IKZF2: variants seen among roughly 807,000 people sequenced by gnomAD.
IKZF2 encodes the protein zinc finger protein Helios.
IKZF2 carries 15 observed loss-of-function variants against 49.2 expected under a neutral mutation model. That is an observed-to-expected ratio of 0.30 (90% CI 0.20 to 0.47). The LOEUF (loss-of-function observed/expected upper bound fraction) is 0.47, where lower values mean the gene tolerates loss of function less well. IKZF2 is among the 20% of genes least tolerant of loss of function. The pLI, the probability that IKZF2 is intolerant of heterozygous loss-of-function variation, is 1.00. For synonymous variants in IKZF2, 227 were observed against 221.4 expected (o/e 1.03, Z -0.23); for missense variants, 567 against 664.6 (o/e 0.85, Z 1.61).
intron 6 of IKZF2, among the ~76,000 whole-genome samples, chr2:213,035,227 C>A (rs1178320075): frequency 1.3e-5 from 2 of 150,942 alleles, no homozygotes; most frequent in Non-Finnish European, 3.0e-5. Context: ...ACTTAACACA[C>A]AATAAATGAT....
At chr2:213,084,154 A>T (rs1475660097) in intron 4 of IKZF2, among the ~76,000 whole-genome samples, 1 of 152,114 alleles carries the variant, frequency 6.6e-6, no homozygotes, top group Non-Finnish European at 1.5e-5. Flanking sequence ...TGAGCATATG[A>T]TGTGGAATTC....
At chr2:213,150,455 CCCTCCTCCTCCT>C (rs3217488) in intron 1 of IKZF2, 8 of 186,222 alleles carry the variant, frequency 4.3e-5, no homozygotes, top group Non-Finnish European at 6.9e-5. Context: ...AAGAACACCC[CCCTCCTCCTCCT>C]CCTCCTCCTC....
chr2:213,079,605 C>T (rs1468956233), intron 4 of IKZF2, among the ~76,000 whole-genome samples: 1 of 151,538 alleles, frequency 6.6e-6, no homozygotes, highest in Non-Finnish European at 1.5e-5. Flanking sequence ...CATCTATAAA[C>T]CATCTCCATA....
intron 7 of IKZF2, among the ~76,000 whole-genome samples, chr2:213,019,223 T>C (rs553256882): frequency 6.6e-6 from 1 of 152,320 alleles, no homozygotes; most frequent in South Asian, 2.1e-4. Context: ...CTATGTCAGA[T>C]ATTTTTTAAA....
At position 213,007,547 on chromosome 2, in the gene IKZF2, C is replaced by T. The variant is rs1172115296; in HGVS notation, c.1394G>A (p.Gly465Glu). 6.2e-7 allele frequency: 1 copy of T among 1,613,724 alleles called. No individual in the cohort carries two copies. ...KDIYKVFNGE[G>E]EQIRAFKCEH... The stretch of plus-strand genomic sequence containing the variant: ...ACACTTGAAGGCCCTAATCTGTTCT[C>T]CTTCTCCATTGAAGACCTTGTAGAT... The change falls in exon 9 of 9, where the codon GGA becomes GAA. Residue 465 changes from glycine to glutamate, a missense_variant. Transcript: ENST00000434687.
At chr2:213,051,515 A>G (rs1032955113) in intron 5 of IKZF2, among the ~76,000 whole-genome samples, 1 of 151,960 alleles carries the variant, frequency 6.6e-6, no homozygotes, top group African/African-American at 2.4e-5. Flanking sequence ...ACCTGGTAAG[A>G]TCTATATCTC....
intron 4 of IKZF2, among the ~76,000 whole-genome samples, chr2:213,116,636 G>C (rs1440369178): frequency 6.6e-6 from 1 of 152,128 alleles, no homozygotes; most frequent in Non-Finnish European, 1.5e-5. Context: ...TACTTGGAAG[G>C]CTGAGGTGGG....
intron 4 of IKZF2, among the ~76,000 whole-genome samples, chr2:213,105,326 A>G (rs2059487994): frequency 6.6e-6 from 1 of 151,970 alleles, no homozygotes; most frequent in Admixed American, 6.6e-5. Flanking sequence ...TTCCTTTCCA[A>G]CTGTTCCCAA....
chr2:213,103,990 A>G (rs915205535), intron 4 of IKZF2, among the ~76,000 whole-genome samples: 11 of 152,126 alleles, frequency 7.2e-5, no homozygotes, highest in African/African-American at 2.7e-4. Context: ...TCAGAATTAT[A>G]TATTTCCTGG....
At chr2:213,071,525 T>C (rs1702700970) in intron 4 of IKZF2, among the ~76,000 whole-genome samples, 1 of 152,086 alleles carries the variant, frequency 6.6e-6, no homozygotes, top group African/African-American at 2.4e-5. Context: ...GACACACTGC[T>C]AAGCACTAAA....
In IKZF2 at chr2:213,150,190, C is replaced by G. The variant is rs764262883; in HGVS notation, c.-62G>C. ...AAAAAAGATTCATCACCATTTCCAGCTCTGTCGGGAGATCTCAGCTTCTTC... is the reference window on the plus strand; with the variant it reads ...AAAAAAGATTCATCACCATTTCCAGGTCTGTCGGGAGATCTCAGCTTCTTC... On this transcript the variant is annotated 5_prime_UTR_variant, in exon 2 of 9. Coordinates refer to ENST00000434687, the MANE Select transcript of IKZF2 (RefSeq NM_001387220.1). The G allele has an allele frequency of 7.7e-7, 1 of 1,303,690 alleles. No homozygotes were observed. The highest frequency in any genetic ancestry group is 1.2e-5 in the South Asian group (1 of 80,980). The allele number at this position is 1,303,690 out of a possible 1,614,324, so 80.8% of individuals were successfully genotyped here. A position where few individuals can be genotyped will look rare whatever the true frequency, so the allele number is the denominator to read the frequency against.
At chr2:213,031,415 G>A (rs1346347230) in intron 6 of IKZF2, among the ~76,000 whole-genome samples, 1 of 152,172 alleles carries the variant, frequency 6.6e-6, no homozygotes, top group Non-Finnish European at 1.5e-5. Context: ...AAAAAAGTAT[G>A]TATGGGACCT....
intron 4 of IKZF2, chr2:213,147,397 CCAA>C: frequency 1.9e-6 from 1 of 528,576 alleles, no homozygotes; most frequent in Non-Finnish European, 3.3e-6. Flanking sequence ...CATTTTTTAC[CCAA>C]CAACAACAAA....
At chr2:213,136,386 A>AAAAAAG (rs1406963032) in intron 4 of IKZF2, among the ~76,000 whole-genome samples, 2 of 111,056 alleles carry the variant, frequency 1.8e-5, no homozygotes, top group African/African-American at 5.2e-5. Context: ...AAAAAAAAAA[A>AAAAAAG]AAAAAGAAAA....
At chr2:213,146,556 A>G (rs935876628) in intron 4 of IKZF2, among the ~76,000 whole-genome samples, 5 of 152,028 alleles carry the variant, frequency 3.3e-5, no homozygotes, top group Non-Finnish European at 5.9e-5. Context: ...AAATTGCAAA[A>G]TGTATTCAAT....
chr2:213,113,317 A>G (rs1337376754), intron 4 of IKZF2, among the ~76,000 whole-genome samples: 1 of 152,216 alleles, frequency 6.6e-6, no homozygotes, highest in Non-Finnish European at 1.5e-5. Context: ...AATGGTATGC[A>G]GAGAGTAGCC....
At chr2:213,134,967 T>C in intron 4 of IKZF2, among the ~76,000 whole-genome samples, 1 of 152,204 alleles carries the variant, frequency 6.6e-6, no homozygotes, top group East Asian at 1.9e-4. Context: ...TTGCCAGCTT[T>C]CTTCTATGCT....
intron 4 of IKZF2, among the ~76,000 whole-genome samples, chr2:213,136,343 C>A (rs1438758718): frequency 7.4e-6 from 1 of 135,114 alleles, no homozygotes; most frequent in Non-Finnish European, 1.5e-5. Context: ...TGCACTCCAG[C>A]CTGGGTGACA....
In IKZF2 at chr2:213,022,204, G is replaced by C. The variant is rs937872967; in HGVS notation, c.575-74C>G. 2.2e-6 allele frequency: 3 copies of C among 1,379,950 alleles called. No homozygotes were observed. In the African/African-American group the frequency reaches 4.4e-5, roughly 20 times the overall value. 85.5% of individuals were successfully genotyped at this position (1,379,950 alleles called of 1,614,324 possible). On this transcript the variant is annotated intron_variant, in intron 6 of 8. Transcript: ENST00000434687. Reference sequence around the variant, plus strand: ...AAAGCAAAATCAATAGCTAACTTTTGATAGTCTGGAGGAAGCACTCATATA... The same window carrying C: ...AAAGCAAAATCAATAGCTAACTTTTCATAGTCTGGAGGAAGCACTCATATA...
Sources: allele counts gnomAD v4.1 joint callset (sites outside exome capture counted in the v4.1 genomes callset), GRCh38; gene constraint gnomAD v4.1.1; transcripts MANE v1.5; gene names NCBI Gene and HGNC (gene_info 2026-07-23, HGNC 2026-07-21).